SFMBT2: variants seen among roughly 807,000 people sequenced by gnomAD.
SFMBT2 encodes the protein Scm like with four mbt domains 2.
Under a neutral mutation model 110.1 loss-of-function variants are expected in SFMBT2, and 38 were observed. That is an observed-to-expected ratio of 0.35 (90% CI 0.27 to 0.45). The LOEUF is 0.45. Ranked by LOEUF, SFMBT2 falls within the 20% of genes least tolerant of loss-of-function variation. The pLI, the probability that SFMBT2 is intolerant of heterozygous loss-of-function variation, is 1.00. For synonymous variants in SFMBT2, 425 were observed against 425.4 expected (o/e 1.00, Z 0.01); for missense variants, 1,011 against 1,094.9 (o/e 0.92, Z 1.08).
intron 7 of SFMBT2, among the ~76,000 whole-genome samples, chr10:7,264,802 C>G (rs1015365357): frequency 6.6e-6 from 1 of 152,108 alleles, no homozygotes; most frequent in Non-Finnish European, 1.5e-5. Context: ...ATCCCCAGAC[C>G]ACAGTGCTCT....
chr10:7,176,262 C>T, intron 16 of SFMBT2, 97 bp from the exon 17 acceptor site: 1 of 1,304,570 alleles, frequency 7.7e-7, no homozygotes. Context: ...CTTCATTTTC[C>T]AATGACAAAG....
intron 4 of SFMBT2, among the ~76,000 whole-genome samples, chr10:7,330,612 C>T (rs1336828837): frequency 6.6e-6 from 1 of 152,140 alleles, no homozygotes; most frequent in Non-Finnish European, 1.5e-5. Context: ...AAAAACTCCA[C>T]CAAGCCACCT....
intron 4 of SFMBT2, among the ~76,000 whole-genome samples, chr10:7,288,860 C>G (rs868681916): frequency 6.7e-6 from 1 of 150,024 alleles, no homozygotes; most frequent in Non-Finnish European, 1.5e-5. Flanking sequence ...GAAACCCCCC[C>G]CCCCATCTCC....
intron 7 of SFMBT2, among the ~76,000 whole-genome samples, chr10:7,270,059 G>A (rs1222153541): frequency 6.6e-6 from 1 of 152,108 alleles, no homozygotes; most frequent in Non-Finnish European, 1.5e-5. Flanking sequence ...AACCTTATTT[G>A]AAAATAGGGT....
chr10:7,189,797 G>A (rs569752647), intron 15 of SFMBT2, among the ~76,000 whole-genome samples: 6 of 152,362 alleles, frequency 3.9e-5, no homozygotes, highest in Non-Finnish European at 5.9e-5. Flanking sequence ...GCAAAATACC[G>A]TTGGGAGAGC....
At chr10:7,188,588 C>A in intron 16 of SFMBT2, 36 bp downstream of exon 16, 1 of 1,559,348 alleles carries the variant, frequency 6.4e-7, no homozygotes, top group Admixed American at 1.7e-5. Flanking sequence ...GGAAGTATTA[C>A]AAAAACCCTT....
chr10:7,285,968 G>C lies in SFMBT2; in HGVS notation c.437-14C>G, dbSNP rs1842074378. The C allele has an allele frequency of 1.2e-6, 1 of 866,454 alleles. No homozygotes were observed. The highest frequency in any genetic ancestry group is 2.0e-6 in the Non-Finnish European group (1 of 499,428). The allele number at this position is 866,454 out of a possible 1,614,324, so 53.7% of individuals were successfully genotyped here. Reference sequence around the variant, plus strand: ...TCTCTTTGATTGCTGGCAAGACAAAGGAGAAAGAAAAACAAAACAAAACAA... The same window carrying C: ...TCTCTTTGATTGCTGGCAAGACAAACGAGAAAGAAAAACAAAACAAAACAA... On this transcript the variant is annotated splice_polypyrimidine_tract_variant and intron_variant, in intron 4 of 20. Coordinates refer to ENST00000397167, the MANE Select transcript of SFMBT2 (RefSeq NM_001387889.1).
At position 7,197,559 on chromosome 10, in the gene SFMBT2, C is replaced by A. The variant is rs1373833370; in HGVS notation, c.1687G>T (p.Val563Phe). 1 of 1,614,044 alleles carries A rather than the reference C, an allele frequency of 6.2e-7. No individual in the cohort carries two copies. The stretch of plus-strand genomic sequence containing the variant: ...TGCACGGGCTTTACCTCTTTAAGAA[C>A]CAGCACGCATTTGCCCGGTCCCACC... ...QSVGPGKCVL[V>F]LKEVLSMIIN... is the part of the protein sequence containing the mutation. The change falls in exon 15 of 21, where the codon GTT becomes TTT. Residue 563 changes from valine (V) to phenylalanine (F), a missense_variant. Physicochemically the swap from Val to Phe is conservative, Grantham distance 50. Around this residue, in one of 2 missense-constraint regions of SFMBT2, gnomAD observed 979 missense variants for 1,016.1 expected, o/e 0.96. Coordinates refer to ENST00000397167, the MANE Select transcript of SFMBT2 (RefSeq NM_001387889.1).
At chr10:7,335,141 G>A (rs1041983290) in intron 4 of SFMBT2, among the ~76,000 whole-genome samples, 5 of 152,080 alleles carry the variant, frequency 3.3e-5, no homozygotes, top group Non-Finnish European at 5.9e-5. Context: ...CCCAGAGAAG[G>A]GGGTAAGGAC....
intron 4 of SFMBT2, among the ~76,000 whole-genome samples, chr10:7,324,858 A>C (rs1843328173): frequency 6.6e-6 from 1 of 151,998 alleles, no homozygotes; most frequent in African/African-American, 2.4e-5. Context: ...GGGAGAGTGC[A>C]TAAGCTCTCA....
intron 4 of SFMBT2, chr10:7,286,424 T>C (rs1475812188): frequency 1.0e-6 from 1 of 961,794 alleles, no homozygotes. Context: ...AGGGGTGGAC[T>C]GAAGGTGAAA....
chr10:7,303,447 A>AT (rs1365015998), intron 4 of SFMBT2, among the ~76,000 whole-genome samples: 1 of 152,222 alleles, frequency 6.6e-6, no homozygotes, highest in Non-Finnish European at 1.5e-5. Flanking sequence ...CTTTGCAACC[A>AT]TTATTCTTTC....
intron 20 of SFMBT2, among the ~76,000 whole-genome samples, chr10:7,167,044 G>A (rs186915483): frequency 2.6e-5 from 4 of 152,264 alleles, no homozygotes; most frequent in Admixed American, 6.5e-5. Flanking sequence ...TAAGATATAC[G>A]ACATGCTTAG....
chr10:7,265,451 C>A (rs1459937521), intron 7 of SFMBT2, among the ~76,000 whole-genome samples: 1 of 152,180 alleles, frequency 6.6e-6, no homozygotes, highest in Non-Finnish European at 1.5e-5. Flanking sequence ...ATCCTCCCGC[C>A]TGGCCTCTCA....
intron 13 of SFMBT2, 32 bp from the exon 14 acceptor site, chr10:7,200,516 C>G: frequency 6.4e-7 from 1 of 1,561,624 alleles, no homozygotes; most frequent in Non-Finnish European, 8.7e-7. Flanking sequence ...CTATCAGGGA[C>G]CACAAGCTTT....
intron 10 of SFMBT2, among the ~76,000 whole-genome samples, chr10:7,223,057 A>G (rs575610989): frequency 4.6e-5 from 7 of 152,178 alleles, no homozygotes; most frequent in African/African-American, 1.7e-4. Context: ...CTCCAAAGAC[A>G]CTCACATGCT....
chr10:7,373,599 T>A (rs948779872), intron 2 of SFMBT2, among the ~76,000 whole-genome samples: 8 of 152,060 alleles, frequency 5.3e-5, no homozygotes, highest in African/African-American at 1.9e-4. Flanking sequence ...ACTTTCCCCC[T>A]CCTTCTCCCA....
chr10:7,296,803 C>T (rs957523215), intron 4 of SFMBT2, among the ~76,000 whole-genome samples: 5 of 151,152 alleles, frequency 3.3e-5, no homozygotes, highest in Non-Finnish European at 7.4e-5. Flanking sequence ...AGGCCGTCCT[C>T]CCTGACGTGG....
chr10:7,402,051 T>C (rs1258624437), intron 1 of SFMBT2, among the ~76,000 whole-genome samples: 2 of 151,646 alleles, frequency 1.3e-5, no homozygotes, highest in African/African-American at 2.4e-5. Context: ...AGCTCTTGCA[T>C]TGCCAGGGAG....
Sources: allele counts gnomAD v4.1 joint callset (sites outside exome capture counted in the v4.1 genomes callset), GRCh38; gene constraint gnomAD v4.1.1; regional missense constraint gnomAD v4.1.1; transcripts MANE v1.5; gene names NCBI Gene and HGNC (gene_info 2026-07-23, HGNC 2026-07-21).